Variants in SLC25A21 observed in about 807,000 individuals in gnomAD.
SLC25A21 encodes mitochondrial 2-oxodicarboxylate carrier.
SLC25A21 carries 47 observed loss-of-function variants against 43.8 expected under a neutral mutation model. The ratio of observed to expected loss-of-function variants is 1.07; its 90% CI spans 0.85 to 1.37. The LOEUF is 1.37. SLC25A21 is among the 40% of genes most tolerant of loss of function. SLC25A21 has a pLI of 0.00. For missense variants in SLC25A21, 352 were observed against 350.2 expected, an observed-to-expected ratio of 1.00 and a Z score of -0.04; for synonymous variants, 131 against 121.3, an observed-to-expected ratio of 1.08 and a Z score of -0.52.
At chr14:36,799,981 A>C (rs1887812157) in intron 3 of SLC25A21, among the ~76,000 whole-genome samples, 1 of 152,230 alleles carries the variant, frequency 6.6e-6, no homozygotes, top group South Asian at 2.1e-4. Context: ...CACTAGAAGG[A>C]TAAAACATTG....
chr14:36,939,014 T>G (rs1168985276), intron 1 of SLC25A21, among the ~76,000 whole-genome samples: 1 of 152,162 alleles, frequency 6.6e-6, no homozygotes, highest in Non-Finnish European at 1.5e-5. Context: ...TGAATTGTAT[T>G]TCAGATACAT....
In SLC25A21 at chr14:36,679,231, G is replaced by T. The variant is rs1232889452; in HGVS notation, c.*1427C>A. The T allele has an allele frequency of 1.0e-6, 1 of 984,000 alleles. No homozygotes were observed. Among genetic ancestry groups the T allele is most frequent in the East Asian group, 1.1e-4 (1 of 8,814 alleles). 61.0% of individuals were successfully genotyped at this position (984,000 alleles called of 1,614,324 possible). Reference sequence around the variant, plus strand: ...TTAATGACCCTTTTATTGAATATTGGACTGAAATATAAATTTTAAAAAACA... The same window carrying T: ...TTAATGACCCTTTTATTGAATATTGTACTGAAATATAAATTTTAAAAAACA... On this transcript the variant is annotated 3_prime_UTR_variant, in exon 10 of 10. Transcript: ENST00000331299.
chr14:36,858,901 G>A lies in SLC25A21; in HGVS notation c.119+16055C>T, dbSNP rs369933411. On this transcript the variant is annotated intron_variant, in intron 2 of 9. Coordinates refer to ENST00000331299, the MANE Select transcript of SLC25A21 (RefSeq NM_030631.4). ...TCCTTCCTATTTAACATGAGTTTCC[G>A]TTTTAGTACTAAGAGGAAATCAAAT... Among the ~76,000 whole-genome samples the A allele has an allele frequency of 1.7e-4, 26 of 152,006 alleles. No individual in the cohort carries two copies. In the South Asian group the frequency reaches 2.3e-3, roughly 13 times the overall value.
At chr14:37,062,470 A>T (rs1372054685) in intron 1 of SLC25A21, among the ~76,000 whole-genome samples, 8 of 151,938 alleles carry the variant, frequency 5.3e-5, no homozygotes, top group Non-Finnish European at 8.8e-5. Flanking sequence ...TTTTTTTTTA[A>T]AAAAAGAACT....
chr14:36,991,681 C>T (rs921143030), intron 1 of SLC25A21, among the ~76,000 whole-genome samples: 9 of 152,156 alleles, frequency 5.9e-5, no homozygotes, highest in African/African-American at 2.2e-4. Flanking sequence ...GCAGAGCTCA[C>T]ATTAAAAACT....
chr14:36,736,183 C>T (rs936558327), intron 3 of SLC25A21, among the ~76,000 whole-genome samples: 1 of 152,224 alleles, frequency 6.6e-6, no homozygotes, highest in African/African-American at 2.4e-5. Flanking sequence ...GATCCGCCTG[C>T]CTTGGCCTCC....
At chr14:36,823,308 C>T (rs1300333196) in intron 2 of SLC25A21, among the ~76,000 whole-genome samples, 1 of 152,114 alleles carries the variant, frequency 6.6e-6, no homozygotes, top group African/African-American at 2.4e-5. Context: ...ATAAACTGGT[C>T]TCCATTAAAC....
At chr14:37,016,356 T>C (rs1222877617) in intron 1 of SLC25A21, among the ~76,000 whole-genome samples, 3 of 152,290 alleles carry the variant, frequency 2.0e-5, no homozygotes, top group South Asian at 4.1e-4. Flanking sequence ...TAGTTGTAGA[T>C]ATGCGGCGTT....
intron 1 of SLC25A21, among the ~76,000 whole-genome samples, chr14:37,147,119 G>T (rs1963679846): frequency 6.6e-6 from 1 of 152,074 alleles, no homozygotes; most frequent in Non-Finnish European, 1.5e-5. Flanking sequence ...TTGTCTCTTA[G>T]GACTAGGGCC....
intron 1 of SLC25A21, among the ~76,000 whole-genome samples, chr14:36,906,025 C>T (rs1004276494): frequency 9.2e-5 from 14 of 152,226 alleles, no homozygotes; most frequent in African/African-American, 3.4e-4. Context: ...GAGTCTTTCC[C>T]ATATTCAAAA....
At chr14:36,952,570 G>A (rs1304128402) in intron 1 of SLC25A21, among the ~76,000 whole-genome samples, 3 of 152,106 alleles carry the variant, frequency 2.0e-5, no homozygotes, top group East Asian at 3.9e-4. Flanking sequence ...TCCTGAGCAA[G>A]GACAAATGAC....
At chr14:37,004,040 TC>T (rs1191414292) in intron 1 of SLC25A21, among the ~76,000 whole-genome samples, 1 of 151,918 alleles carries the variant, frequency 6.6e-6, no homozygotes, top group Admixed American at 6.6e-5. Context: ...TAATAATCTT[TC>T]CCCCCACCAG....
At chr14:37,007,122 T>C (rs1334922433) in intron 1 of SLC25A21, among the ~76,000 whole-genome samples, 1 of 152,228 alleles carries the variant, frequency 6.6e-6, no homozygotes, top group African/African-American at 2.4e-5. Context: ...AAAGTGATAG[T>C]TGCCAAAGTG....
At chr14:36,693,120 C>A (rs1882862247) in intron 7 of SLC25A21, among the ~76,000 whole-genome samples, 1 of 152,194 alleles carries the variant, frequency 6.6e-6, no homozygotes, top group African/African-American at 2.4e-5. Context: ...GAAGGAACTG[C>A]AGAAGATTTA....
At chr14:36,794,728 C>T (rs1887616454) in intron 3 of SLC25A21, among the ~76,000 whole-genome samples, 1 of 150,298 alleles carries the variant, frequency 6.7e-6, no homozygotes, top group African/African-American at 2.5e-5. Flanking sequence ...GAGATCACAC[C>T]ACTGCACTCC....
At chr14:36,907,626 C>T (rs972194576) in intron 1 of SLC25A21, among the ~76,000 whole-genome samples, 6 of 151,900 alleles carry the variant, frequency 3.9e-5, no homozygotes, top group African/African-American at 7.3e-5. Flanking sequence ...AACCAATAGG[C>T]GTTTTTGAAG....
At chr14:36,732,018 T>G (rs1299165033) in intron 4 of SLC25A21, among the ~76,000 whole-genome samples, 1 of 152,190 alleles carries the variant, frequency 6.6e-6, no homozygotes, top group East Asian at 1.9e-4. Context: ...CTTCATCATC[T>G]GATGTCCAGT....
At chr14:37,147,649 T>TA (rs1555349960) in intron 1 of SLC25A21, among the ~76,000 whole-genome samples, 71 of 146,858 alleles carry the variant, frequency 4.8e-4, no homozygotes, top group South Asian at 3.4e-3. Flanking sequence ...TTTTTTTTTT[T>TA]AAAAAAAAGG....
intron 2 of SLC25A21, among the ~76,000 whole-genome samples, chr14:36,826,961 C>T (rs1888856119): frequency 6.6e-6 from 1 of 152,198 alleles, no homozygotes; most frequent in Non-Finnish European, 1.5e-5. Flanking sequence ...CAAACAAGAT[C>T]TAATCACAAC....
Sources: gnomAD v4.1 joint callset for allele counts (sites outside exome capture counted in the v4.1 genomes callset) on GRCh38, gnomAD v4.1.1 for gene constraint, MANE v1.5 for transcripts, NCBI Gene and HGNC (gene_info 2026-07-23, HGNC 2026-07-21) for gene names.